Variants in SLC22A4 observed in about 807,000 individuals in gnomAD.
SLC22A4 encodes solute carrier family 22 member 4.
SLC22A4 carries 39 observed loss-of-function variants against 56.6 expected under a neutral mutation model. The ratio of observed to expected loss-of-function variants is 0.69; its 90% CI spans 0.53 to 0.90. The LOEUF is 0.90. SLC22A4 is among the 40% of genes least tolerant of loss of function. The probability of loss-of-function intolerance (pLI) is 0.00; values close to 1 mark genes in which losing one functional copy is unlikely to be tolerated. For missense variants in SLC22A4, 594 were observed against 696.5 expected (o/e 0.85, Z 1.66); for synonymous variants, 241 against 281.4 (o/e 0.86, Z 1.44).
intron 1 of SLC22A4, among the ~76,000 whole-genome samples, chr5:132,305,178 G>A (rs539104636): frequency 6.6e-6 from 1 of 152,166 alleles, no homozygotes; most frequent in East Asian, 1.9e-4. Flanking sequence ...ATTTGAACAG[G>A]CAAAAGAAAG....
intron 9 of SLC22A4, 73 bp downstream of exon 9, chr5:132,340,773 GT>G (rs1367260471): frequency 3.5e-6 from 5 of 1,413,628 alleles, no homozygotes; most frequent in Non-Finnish European, 5.0e-6. Flanking sequence ...AGCTAGGAAG[GT>G]TCTGAAATAG....
chr5:132,322,892 C>T (rs1750584767), intron 4 of SLC22A4, among the ~76,000 whole-genome samples: 1 of 152,206 alleles, frequency 6.6e-6, no homozygotes, highest in African/African-American at 2.4e-5. Context: ...CCCACAACCT[C>T]CCAACTCAGT....
rs1372086826 is a variant in SLC22A4 at position 132,331,752 on chromosome 5, A to G, written c.952-4A>G. ...CATGGTTATTTGCATTATTTTGGTT[A>G]CAGGAGCTAAATCCCCTGAAGCAGC... On this transcript the variant is annotated splice_polypyrimidine_tract_variant and splice_region_variant and intron_variant, in intron 5 of 9. Transcript: ENST00000200652. 6.2e-7 allele frequency: 1 copy of G among 1,604,394 alleles called. No homozygotes were observed. Among genetic ancestry groups the G allele is most frequent in the Non-Finnish European group, 8.5e-7 (1 of 1,171,150 alleles).
intron 3 of SLC22A4, 85 bp downstream of exon 3, chr5:132,313,853 G>A: frequency 1.4e-6 from 2 of 1,401,158 alleles, no homozygotes; most frequent in South Asian, 1.2e-5. Flanking sequence ...CCATTGGGCT[G>A]TGCTTCCAAA....
chr5:132,316,301 T>G (rs1477221716), intron 3 of SLC22A4, among the ~76,000 whole-genome samples: 2 of 152,134 alleles, frequency 1.3e-5, no homozygotes, highest in Non-Finnish European at 2.9e-5. Flanking sequence ...AGAACAGTGC[T>G]ACCCTACACA....
Position 132,322,374 on chromosome 5 carries a change from C to T in SLC22A4, c.824+19C>T, listed in dbSNP as rs1050015260. ...TGTGGTGGTGAGTGTGACTCGTCCC[C>T]AGACAGGCCCTCTGCTGCGGGTCAG... On this transcript the variant is annotated intron_variant, in intron 4 of 9. Transcript: ENST00000200652. The T allele has an allele frequency of 1.7e-5, 27 of 1,611,568 alleles. No homozygotes were observed. In the African/African-American group the frequency reaches 2.5e-4, roughly 15 times the overall value.
Position 132,344,028 on chromosome 5 carries a change from T to C in SLC22A4, c.*193T>C. 1.8e-6 allele frequency: 1 copy of C among 570,402 alleles called. No homozygotes were observed. Among genetic ancestry groups the C allele is most frequent in the South Asian group, 2.5e-5 (1 of 40,560 alleles). 35.3% of individuals were successfully genotyped at this position (570,402 alleles called of 1,614,324 possible). ...ATGTCCTTGCTTTACAAACCAACCA[T>C]TTCTAGAGAGTCTCCTTACTCATTA... is the stretch of plus-strand genomic sequence containing the variant. On this transcript the variant is annotated 3_prime_UTR_variant, in exon 10 of 10. Coordinates refer to ENST00000200652, the MANE Select transcript of SLC22A4 (RefSeq NM_003059.3).
chr5:132,332,482 T>C (rs777312962), intron 6 of SLC22A4, among the ~76,000 whole-genome samples: 2 of 152,110 alleles, frequency 1.3e-5, no homozygotes, highest in Non-Finnish European at 2.9e-5. Flanking sequence ...ATGTCCGTGT[T>C]GCCTGAGGCA....
intron 2 of SLC22A4, among the ~76,000 whole-genome samples, chr5:132,313,336 C>T (rs142917179): frequency 1.5e-3 from 223 of 152,296 alleles, no homozygotes; most frequent in African/African-American, 5.1e-3. Context: ...ATCTGTGGCT[C>T]CTTCTAAAGA....
chr5:132,335,939 G>T lies in SLC22A4; in HGVS notation c.1383G>T (p.Val461=). The change falls in exon 8 of 10, where the codon GTG becomes GTT. Residue 461 remains valine, a synonymous_variant. Coordinates refer to ENST00000200652, the MANE Select transcript of SLC22A4 (RefSeq NM_003059.3). The stretch of plus-strand genomic sequence containing the variant: ...CAACCCTGGTCAGGAACATGGCGGT[G>T]GGGGTCACATCCACGGCCTCCAGAG... The part of the protein sequence containing the change: ...LYPTLVRNMA[V]GVTSTASRVG... 1 of 1,614,176 alleles carries T rather than the reference G, an allele frequency of 6.2e-7. No homozygotes were observed. Among genetic ancestry groups the T allele is most frequent in the Non-Finnish European group, 8.5e-7 (1 of 1,180,002 alleles).
chr5:132,327,159 C>T lies in SLC22A4; in HGVS notation c.825-118C>T, dbSNP rs1459409656. On this transcript the variant is annotated intron_variant, in intron 4 of 9. Transcript: ENST00000200652. ...TCCAATAGAAATCTTATGTGGACTC[C>T]CTTTAAAAAGACAAACTAGAATTTT... The T allele has an allele frequency of 5.1e-6, 4 of 779,438 alleles. No homozygotes were observed. The Admixed American group carries it at 8.4e-5, about 16-fold the overall frequency. 48.3% of individuals were successfully genotyped at this position (779,438 alleles called of 1,614,324 possible). A position where few individuals can be genotyped will look rare whatever the true frequency, so the allele number is the denominator to read the frequency against.
rs745677209 is a variant in SLC22A4, at chr5:132,340,640, T to C, written c.1520T>C (p.Phe507Ser). 2 of 1,613,954 alleles carry C rather than the reference T, an allele frequency of 1.2e-6. No individual in the cohort carries two copies. The highest frequency in any genetic ancestry group is 2.2e-5 in the East Asian group (1 of 44,852). The change falls in exon 9 of 10, where the codon TTC (phenylalanine) becomes TCC (serine). Residue 507 changes from phenylalanine (F) to serine (S), a missense_variant. Transcript: ENST00000200652. The stretch of plus-strand genomic sequence containing the variant: ...CTGATTGGAATCCTCACCCTTTTTT[T>C]CCCTGAAAGTTTGGGAATGACTCTT... ...TVLIGILTLF[F>S]PESLGMTLPE... is the part of the protein sequence containing the mutation.
intron 9 of SLC22A4, 64 bp from the exon 10 acceptor site, chr5:132,343,696 T>C (rs1751286215): frequency 4.1e-6 from 4 of 974,990 alleles, no homozygotes; most frequent in South Asian, 1.4e-5. Flanking sequence ...TCAATTTGGA[T>C]GGAGCATTTT....
At chr5:132,306,439 A>C (rs1352067720) in intron 1 of SLC22A4, among the ~76,000 whole-genome samples, 1 of 59,444 alleles carries the variant, frequency 1.7e-5, no homozygotes. Flanking sequence ...ATATATATAT[A>C]TATAGTTGTT....
chr5:132,343,478 T>C (rs1318707349), intron 9 of SLC22A4, among the ~76,000 whole-genome samples: 1 of 152,262 alleles, frequency 6.6e-6, no homozygotes, highest in Admixed American at 6.5e-5. Context: ...ACTACTTCAG[T>C]ATCAACTTTA....
Position 132,294,799 on chromosome 5 carries a change from C to G in SLC22A4, c.183C>G (p.Ala61=). Residue 61 remains alanine (A), a synonymous_variant, in exon 1 of 10, where the codon GCC becomes GCG. Transcript: ENST00000200652. This position sits in a 1 kb window ranked among gnomAD's most constrained non-coding sequence, Gnocchi z 5.6. ...RVPDAANLSS[A]WRNNSVPLRL... is the part of the protein sequence containing the mutation. ...CGGACGCCGCGAACCTGAGCAGCGC[C>G]TGGCGCAACAACAGTGTCCCGCTGC... 6.2e-7 allele frequency: 1 copy of G among 1,613,084 alleles called. No individual in the cohort carries two copies. The highest frequency in any genetic ancestry group is 8.5e-7 in the Non-Finnish European group (1 of 1,179,964).
chr5:132,341,913 C>T (rs1751230566), intron 9 of SLC22A4, among the ~76,000 whole-genome samples: 1 of 152,068 alleles, frequency 6.6e-6, no homozygotes, highest in South Asian at 2.1e-4. Flanking sequence ...CGCCACTACA[C>T]TCCAGTCTGC....
intron 3 of SLC22A4, among the ~76,000 whole-genome samples, chr5:132,318,257 A>G (rs1561540433): frequency 1.3e-5 from 2 of 152,202 alleles, no homozygotes; most frequent in African/African-American, 4.8e-5. Context: ...GCACATTTCA[A>G]CTGCTTGATC....
At chr5:132,337,269 CTTTT>C (rs66717474) in intron 8 of SLC22A4, among the ~76,000 whole-genome samples, 2 of 48,238 alleles carry the variant, frequency 4.1e-5, no homozygotes, top group Non-Finnish European at 4.0e-5. Flanking sequence ...TAAAGATTAC[CTTTT>C]TTTTTTTTTT....
Sources: allele counts gnomAD v4.1 joint callset (sites outside exome capture counted in the v4.1 genomes callset), GRCh38; gene constraint gnomAD v4.1.1; non-coding constraint Gnocchi (gnomAD v3.1); transcripts MANE v1.5; gene names NCBI Gene and HGNC (gene_info 2026-07-23, HGNC 2026-07-21).